LRRC4C: variants seen among roughly 807,000 people sequenced by gnomAD.
LRRC4C encodes the protein leucine-rich repeat-containing protein 4C.
LRRC4C carries 5 observed loss-of-function variants against 33.6 expected under a neutral mutation model. The observed-to-expected ratio is 0.15, with a 90% CI of 0.08 to 0.31. The LOEUF is 0.31. Among genes scored for constraint, LRRC4C ranks in the 10% least tolerant of loss-of-function variants. LRRC4C has a pLI of 1.00. For missense variants in LRRC4C, 560 were observed against 796.7 expected (o/e 0.70, Z 3.58); for synonymous variants, 329 against 302.0 (o/e 1.09, Z -0.93).
At chr11:40,730,852 T>A (rs571304346) in intron 2 of LRRC4C, among the ~76,000 whole-genome samples, 1 of 152,314 alleles carries the variant, frequency 6.6e-6, no homozygotes, top group Admixed American at 6.5e-5. Context: ...ATCATGTTTA[T>A]TTTTTACTTT....
chr11:40,868,619 C>A (rs922294024), intron 2 of LRRC4C, among the ~76,000 whole-genome samples: 1 of 152,150 alleles, frequency 6.6e-6, no homozygotes, highest in Non-Finnish European at 1.5e-5. Flanking sequence ...AGACTACCCA[C>A]CACCACCAAG....
chr11:40,956,014 C>G (rs1293199246), intron 1 of LRRC4C, among the ~76,000 whole-genome samples: 1 of 151,784 alleles, frequency 6.6e-6, no homozygotes, highest in African/African-American at 2.4e-5. Flanking sequence ...AGCCCTTAAG[C>G]CAACCAGTCT....
intron 1 of LRRC4C, among the ~76,000 whole-genome samples, chr11:41,415,048 C>G (rs981215298): frequency 8.5e-5 from 13 of 152,144 alleles, no homozygotes; most frequent in Non-Finnish European, 1.6e-4. Flanking sequence ...ACACAATCTT[C>G]TTTCCACATA....
intron 5 of LRRC4C, among the ~76,000 whole-genome samples, chr11:40,230,500 A>G (rs1416816589): frequency 6.6e-6 from 1 of 152,218 alleles, no homozygotes; most frequent in Non-Finnish European, 1.5e-5. Context: ...CTGAACATTG[A>G]TCAGAACTCC....
intron 5 of LRRC4C, among the ~76,000 whole-genome samples, chr11:40,175,475 G>C (rs1471892025): frequency 6.6e-6 from 1 of 152,102 alleles, no homozygotes; most frequent in Non-Finnish European, 1.5e-5. Flanking sequence ...AGCCCACAAA[G>C]AGAAAAAATT....
intron 2 of LRRC4C, among the ~76,000 whole-genome samples, chr11:40,665,339 T>TAC (rs1943724137): frequency 1.8e-4 from 2 of 11,376 alleles, no homozygotes; most frequent in East Asian, 3.0e-3. Context: ...TATATATATA[T>TAC]ATATATATAT....
intron 3 of LRRC4C, among the ~76,000 whole-genome samples, chr11:40,539,470 T>C (rs1956615278): frequency 6.6e-6 from 1 of 152,136 alleles, no homozygotes; most frequent in Middle Eastern, 3.2e-3. Flanking sequence ...AAATGTTTGT[T>C]AAATAAGTTT....
chr11:41,411,584 T>C (rs1954493073), intron 1 of LRRC4C, among the ~76,000 whole-genome samples: 1 of 152,212 alleles, frequency 6.6e-6, no homozygotes, highest in East Asian at 1.9e-4. Flanking sequence ...CAAGATTCTA[T>C]TCTGAAACCT....
chr11:41,299,826 T>A (rs1195823512), intron 1 of LRRC4C, among the ~76,000 whole-genome samples: 1 of 152,152 alleles, frequency 6.6e-6, no homozygotes, highest in Non-Finnish European at 1.5e-5. Context: ...GAAGACTTGA[T>A]AACTATTCAT....
At chr11:41,411,140 C>CTTTT (rs1249968357) in intron 1 of LRRC4C, among the ~76,000 whole-genome samples, 9 of 49,910 alleles carry the variant, frequency 1.8e-4, no homozygotes, top group Non-Finnish European at 2.3e-4. Context: ...GGTTGGTACC[C>CTTTT]TATTTTTTTT....
At chr11:40,481,305 C>T (rs535329686) in intron 3 of LRRC4C, among the ~76,000 whole-genome samples, 2 of 152,092 alleles carry the variant, frequency 1.3e-5, no homozygotes, top group Admixed American at 1.3e-4. Flanking sequence ...AATATGCTTC[C>T]TTGTTTACAA....
chr11:40,206,461 G>T (rs1863162146), intron 5 of LRRC4C, among the ~76,000 whole-genome samples: 1 of 151,916 alleles, frequency 6.6e-6, no homozygotes, highest in African/African-American at 2.4e-5. Flanking sequence ...AGGCTGGTCT[G>T]AAACTCCTGA....
At chr11:40,334,577 A>G (rs930107544) in intron 3 of LRRC4C, among the ~76,000 whole-genome samples, 4 of 152,194 alleles carry the variant, frequency 2.6e-5, no homozygotes, top group African/African-American at 9.7e-5. Context: ...TGCAATAATC[A>G]AATAATTCTA....
intron 1 of LRRC4C, among the ~76,000 whole-genome samples, chr11:41,133,171 C>T (rs1202250712): frequency 6.6e-6 from 1 of 152,046 alleles, no homozygotes; most frequent in African/African-American, 2.4e-5. Context: ...TTAGATGTGA[C>T]CTGGGCCAAA....
At chr11:40,783,214 T>C (rs189785364) in intron 2 of LRRC4C, among the ~76,000 whole-genome samples, 1 of 152,304 alleles carries the variant, frequency 6.6e-6, no homozygotes, top group East Asian at 1.9e-4. Flanking sequence ...GTCTATATAA[T>C]TCAATTTTAA....
At chr11:40,706,953 A>T (rs1215725023) in intron 2 of LRRC4C, among the ~76,000 whole-genome samples, 2 of 151,934 alleles carry the variant, frequency 1.3e-5, no homozygotes, top group Non-Finnish European at 2.9e-5. Context: ...ATTCCTAGGT[A>T]TTTTATTCTC....
At chr11:40,680,326 G>A (rs939210224) in intron 2 of LRRC4C, among the ~76,000 whole-genome samples, 6 of 152,152 alleles carry the variant, frequency 3.9e-5, no homozygotes, top group African/African-American at 1.4e-4. Flanking sequence ...GGACTGTTTA[G>A]TTAATCCTGA....
chr11:40,764,537 C>A (rs1001083774), intron 2 of LRRC4C, among the ~76,000 whole-genome samples: 2 of 152,144 alleles, frequency 1.3e-5, no homozygotes, highest in African/African-American at 4.8e-5. Flanking sequence ...GGGGAGAGAG[C>A]TTACCGCCTT....
At chr11:40,410,957 C>A (rs925661563) in intron 3 of LRRC4C, among the ~76,000 whole-genome samples, 2 of 151,930 alleles carry the variant, frequency 1.3e-5, no homozygotes, top group African/African-American at 2.4e-5. Context: ...GCAGTTAAAG[C>A]CATATCACCA....
Sources: allele counts gnomAD v4.1 joint callset (sites outside exome capture counted in the v4.1 genomes callset), GRCh38; gene constraint gnomAD v4.1.1; transcripts MANE v1.5; gene names NCBI Gene and HGNC (gene_info 2026-07-23, HGNC 2026-07-21).